Variants in PUM1 observed in about 807,000 individuals in gnomAD.
PUM1 encodes the protein pumilio homolog 1.
Under a neutral mutation model 131.8 loss-of-function variants are expected in PUM1, and 13 were observed. That is an observed-to-expected ratio of 0.10 (90% CI 0.06 to 0.16). PUM1 has a LOEUF of 0.16. Among genes scored for constraint, PUM1 ranks in the 10% least tolerant of loss-of-function variants. PUM1 has a pLI of 1.00. For missense variants in PUM1, 961 were observed against 1,512.4 expected (o/e 0.64, Z 6.05); for synonymous variants, 509 against 556.5 (o/e 0.91, Z 1.20).
At position 30,991,070 on chromosome 1, in the gene PUM1, T is replaced by TAA. The variant is rs34450345; in HGVS notation, c.1158+1318_1158+1319dup. 4.0e-3 allele frequency among the ~76,000 whole-genome samples: 605 copies of TAA among 149,620 alleles called. 2 individuals carry two copies. Among genetic ancestry groups the TAA allele is most frequent in the African/African-American group, 0.014 (569 of 40,944 alleles). On this transcript the variant is annotated intron_variant, in intron 7 of 21. Transcript: ENST00000426105. The stretch of plus-strand genomic sequence containing the variant: ...TCTGATTATGAAGTAAAGAACAGTT[T>TAA]AAAAAAAAAAGAGAGAACCATATAT...
chr1:31,055,407 G>A (rs891923837), intron 2 of PUM1: 2 of 456,248 alleles, frequency 4.4e-6, no homozygotes. Flanking sequence ...AAAAACACAA[G>A]TCTCTGATCT....
rs1332040212 is a variant in PUM1, at chr1:30,945,820, C to A, written c.2857-337G>T. ...ATTTTTTTTGAGACGGAGTCTTGCT[C>A]TGTTACCCAGGCTAGAGTACAGTGG... On this transcript the variant is annotated intron_variant, in intron 17 of 21. Coordinates refer to ENST00000426105, the MANE Select transcript of PUM1 (RefSeq NM_001020658.2). 5.2e-3 allele frequency among the ~76,000 whole-genome samples: 795 copies of A among 152,288 alleles called. 5 individuals are homozygous for A. The highest frequency in any genetic ancestry group is 0.018 in the African/African-American group (734 of 41,558).
rs919149340 is a variant in PUM1 at position 30,936,541 on chromosome 1, C to T, written c.3435+102G>A. On this transcript the variant is annotated intron_variant, in intron 21 of 21. Coordinates refer to ENST00000426105, the MANE Select transcript of PUM1 (RefSeq NM_001020658.2). Reference sequence around the variant, plus strand: ...CACAGCATGGGACAGAGGTCAGTGACAAACTCTTCAAAAACAGCAGGGCAC... The same window carrying T: ...CACAGCATGGGACAGAGGTCAGTGATAAACTCTTCAAAAACAGCAGGGCAC... The T allele has an allele frequency of 6.1e-6, 7 of 1,148,816 alleles. No homozygotes were observed. In the African/African-American group the frequency reaches 9.4e-5, roughly 15 times the overall value. 71.2% of individuals were successfully genotyped at this position (1,148,816 alleles called of 1,614,324 possible).
At chr1:31,001,163 G>A (rs535435030) in intron 5 of PUM1, among the ~76,000 whole-genome samples, 5 of 151,814 alleles carry the variant, frequency 3.3e-5, no homozygotes, top group East Asian at 3.9e-4. Context: ...TAGCCTGGGC[G>A]ACAGAGCAAG....
intron 7 of PUM1, among the ~76,000 whole-genome samples, chr1:30,987,491 A>G (rs7516039): frequency 0.38 from 58,248 of 152,016 alleles, 13,440 homozygotes; most frequent in East Asian, 0.85. Context: ...CACCGCGCCT[A>G]GCCAAAACCT....
At chr1:30,944,895 G>C (rs1639604969) in intron 18 of PUM1, among the ~76,000 whole-genome samples, 1 of 152,294 alleles carries the variant, frequency 6.6e-6, no homozygotes, top group East Asian at 1.9e-4. Context: ...CACACAGACA[G>C]GTACCTGACA....
At chr1:31,006,666 T>C (rs1462840112) in intron 4 of PUM1, among the ~76,000 whole-genome samples, 1 of 152,180 alleles carries the variant, frequency 6.6e-6, no homozygotes, top group Non-Finnish European at 1.5e-5. Context: ...AAAAGAAACA[T>C]GAACTTCAAA....
In PUM1 at chr1:30,970,765, G is replaced by A. The variant is rs142846653; in HGVS notation, c.1507-2273C>T. Among the ~76,000 whole-genome samples the A allele has an allele frequency of 3.0e-3, 454 of 152,204 alleles. 3 individuals carry two copies. Among genetic ancestry groups the A allele is most frequent in the African/African-American group, 0.01 (422 of 41,520 alleles). On this transcript the variant is annotated intron_variant, in intron 10 of 21. Coordinates refer to ENST00000426105, the MANE Select transcript of PUM1 (RefSeq NM_001020658.2). ...GATCTCACTCTAGGATAAGTAAATA[G>A]CAAGCACAGAAATATGGCAAATGCT... is the stretch of plus-strand genomic sequence containing the variant.
At position 31,059,413 on chromosome 1, in the gene PUM1, CA is replaced by C; in HGVS notation, c.153del (p.Ala52GlnfsTer18). 1 of 1,614,188 alleles carries C rather than the reference CA, an allele frequency of 6.2e-7. No individual in the cohort carries two copies. The highest frequency in any genetic ancestry group is 1.3e-5 in the African/African-American group (1 of 75,046). ...GTCCCAGCTGCAAGAGCCTGATTTG[CA>C]GCTGGTTGTGGCTGCGCTTGCGACC... ...GTGSQAQPQP[A>X]ANQALAAGTH... On this transcript the variant is annotated frameshift_variant, in exon 2 of 22. Transcript: ENST00000426105. LOFTEE classifies it high-confidence loss of function.
At chr1:30,969,734 T>G (rs1263048479) in intron 10 of PUM1, among the ~76,000 whole-genome samples, 1 of 152,060 alleles carries the variant, frequency 6.6e-6, no homozygotes, top group Non-Finnish European at 1.5e-5. Context: ...TGGCACAGTC[T>G]CAGCTCACTG....
At chr1:31,007,302 G>C (rs950300125) in intron 3 of PUM1, among the ~76,000 whole-genome samples, 200 bp from the exon 4 acceptor site, 1 of 150,876 alleles carries the variant, frequency 6.6e-6, no homozygotes, top group South Asian at 2.1e-4. Context: ...AAGGCAAGGT[G>C]GGGGGCAGGG....
At chr1:31,044,293 C>T (rs1279289168) in intron 2 of PUM1, among the ~76,000 whole-genome samples, 2 of 151,892 alleles carry the variant, frequency 1.3e-5, no homozygotes, top group Non-Finnish European at 2.9e-5. Flanking sequence ...CCCAGCTACT[C>T]GGGAGGCTGA....
chr1:31,019,997 T>A (rs1345618066), intron 3 of PUM1, among the ~76,000 whole-genome samples: 1 of 152,208 alleles, frequency 6.6e-6, no homozygotes, highest in Non-Finnish European at 1.5e-5. Context: ...GGGCTTCAAC[T>A]GAACCTGTCA....
rs760800419 is a variant in PUM1 at position 30,992,705 on chromosome 1, G to C, written c.888-45C>G. 5 of 1,564,914 alleles carry C rather than the reference G, an allele frequency of 3.2e-6. No homozygotes were observed. In the Admixed American group the frequency reaches 7.1e-5, roughly 22 times the overall value. On this transcript the variant is annotated intron_variant, in intron 6 of 21. Transcript: ENST00000426105. Reference sequence around the variant, plus strand: ...GGCATTAAACCTTATTTTCAGTGGGGAGGGACTACAGCAACCCAAGTTTAA... The same window carrying C: ...GGCATTAAACCTTATTTTCAGTGGGCAGGGACTACAGCAACCCAAGTTTAA...
chr1:31,041,244 T>A (rs558985856), intron 2 of PUM1, among the ~76,000 whole-genome samples: 2 of 152,288 alleles, frequency 1.3e-5, no homozygotes, highest in Non-Finnish European at 2.9e-5. Context: ...CTAGGCTTTT[T>A]AAATATTTTT....
At chr1:30,943,734 T>G (rs1410726959) in intron 18 of PUM1, among the ~76,000 whole-genome samples, 1 of 152,218 alleles carries the variant, frequency 6.6e-6, no homozygotes, top group Admixed American at 6.5e-5. Context: ...ACTAAATTAT[T>G]TTCCAAAATG....
chr1:30,941,388 T>C, intron 19 of PUM1, 116 bp from the exon 20 acceptor site: 1 of 1,031,046 alleles, frequency 9.7e-7, no homozygotes, highest in Non-Finnish European at 1.4e-6. Flanking sequence ...ACGGTTTATA[T>C]GAATACTAAT....
At position 31,038,982 on chromosome 1, in the gene PUM1, A is replaced by T. The variant is rs1395594751; in HGVS notation, c.364-10118T>A. On this transcript the variant is annotated intron_variant, in intron 2 of 21. Coordinates refer to ENST00000426105, the MANE Select transcript of PUM1 (RefSeq NM_001020658.2). Reference sequence around the variant, plus strand: ...TTTATATATATATATATATATATATATATTTTTTTTTTTTTTTTCCTTTTC... The same window carrying T: ...TTTATATATATATATATATATATATTTATTTTTTTTTTTTTTTTCCTTTTC... 9.5e-3 allele frequency among the ~76,000 whole-genome samples: 264 copies of T among 27,918 alleles called. 8 individuals are homozygous for T. The highest frequency in any genetic ancestry group is 0.064 in the African/African-American group (189 of 2,948). 18.3% of individuals were successfully genotyped at this position (27,918 alleles called of 152,430 possible).
At chr1:30,971,481 C>T (rs908055261) in intron 10 of PUM1, among the ~76,000 whole-genome samples, 9 of 152,280 alleles carry the variant, frequency 5.9e-5, no homozygotes, top group African/African-American at 2.2e-4. Flanking sequence ...CATTTTATAA[C>T]AAAAATATAT....
Sources: gnomAD v4.1 joint callset for allele counts (sites outside exome capture counted in the v4.1 genomes callset) on GRCh38, gnomAD v4.1.1 for gene constraint, MANE v1.5 for transcripts, NCBI Gene and HGNC (gene_info 2026-07-23, HGNC 2026-07-21) for gene names.